Variants in PKD1 observed in about 807,000 individuals in gnomAD.
PKD1 encodes polycystin 1, transient receptor potential channel interacting.
In PKD1, 81 loss-of-function variants were observed where a neutral mutation model predicts 361.7. That is an observed-to-expected ratio of 0.22 (90% CI 0.19 to 0.27). PKD1 has a LOEUF of 0.27. Ranked by LOEUF, PKD1 falls within the 10% of genes least tolerant of loss-of-function variation. The pLI is 1.00. For synonymous variants in PKD1, 3,615 were observed against 2,818.3 expected, an observed-to-expected ratio of 1.28 and a Z score of -8.95; for missense variants, 6,399 against 6,118.3, an observed-to-expected ratio of 1.05 and a Z score of -1.53.
rs1488724154 is a variant in PKD1, at chr16:2,089,920, T to C, written c.12719A>G (p.Glu4240Gly). 6.2e-7 allele frequency: 1 copy of C among 1,612,066 alleles called. No homozygotes were observed. The highest frequency in any genetic ancestry group is 1.7e-5 in the Admixed American group (1 of 59,946). Residue 4240 changes from glutamate (E) to glycine (G), a missense_variant, in exon 46 of 46, where the codon GAG (glutamate) becomes GGG (glycine). Physicochemically the swap from Glu to Gly is moderately conservative, Grantham distance 98. Transcript: ENST00000262304. ...GCCTTGCAGGCTGTGCAGCTGCTGCTCCAGCTGGTAGACGTCCTCTGTGGC... is the reference window on the plus strand; with the variant it reads ...GCCTTGCAGGCTGTGCAGCTGCTGCCCCAGCTGGTAGACGTCCTCTGTGGC... ...NQATEDVYQL[E>G]QQLHSLQGRR...
chr16:2,091,005 C>T lies in PKD1; in HGVS notation c.11882G>A (p.Arg3961His), dbSNP rs978667086. Residue 3961 changes from arginine (R) to histidine (H), a missense_variant, in exon 43 of 46, where the codon CGC becomes CAC. Arg to His is a conservative substitution (Grantham distance 29). Coordinates refer to ENST00000262304, the MANE Select transcript of PKD1 (RefSeq NM_001009944.3). ...GCCGCGCACGAAACGGGTCCACTGGCGGTCAGCGGCACCCAGCTGGGCGAG... is the reference window on the plus strand; with the variant it reads ...GCCGCGCACGAAACGGGTCCACTGGTGGTCAGCGGCACCCAGCTGGGCGAG... The part of the protein sequence containing the change: ...VRLAQLGAAD[R>H]QWTRFVRGRP... The T allele has an allele frequency of 1.3e-6, 2 of 1,534,194 alleles. No homozygotes were observed. Among genetic ancestry groups the T allele is most frequent in the Admixed American group, 2.0e-5 (1 of 50,966 alleles).
chr16:2,123,775 C>A (rs915395555), intron 1 of PKD1, among the ~76,000 whole-genome samples: 1 of 152,172 alleles, frequency 6.6e-6, no homozygotes, highest in East Asian at 1.9e-4. Flanking sequence ...TGCTGCCCCA[C>A]GCACTCCTCA....
chr16:2,126,359 C>A (rs965104271), intron 1 of PKD1, among the ~76,000 whole-genome samples: 3 of 152,280 alleles, frequency 2.0e-5, no homozygotes, highest in East Asian at 1.9e-4. Flanking sequence ...GTCTTCAGAT[C>A]ATGGCGCTGC....
At chr16:2,092,235 C>T in intron 39 of PKD1, 47 bp from the exon 40 acceptor site, 1 of 1,541,282 alleles carries the variant, frequency 6.5e-7, no homozygotes, top group Non-Finnish European at 8.8e-7. Flanking sequence ...TCATCAAAAC[C>T]CAACAGGAGT....
rs1412564175 is a variant in PKD1, at chr16:2,091,084, C to G, written c.11803G>C (p.Ala3935Pro). Reference sequence around the variant, plus strand: ...GCCACCAGCAGCCACCGCGCCCAGGCTCCGAGCCGCAGCACGCGCCAGCGC... The same window carrying G: ...GCCACCAGCAGCCACCGCGCCCAGGGTCCGAGCCGCAGCACGCGCCAGCGC... ...EGRWRVLRLG[A>P]WARWLLVALT... Residue 3935 changes from alanine to proline, a missense_variant, in exon 43 of 46, where the codon GCC becomes CCC. Physicochemically the swap from Ala to Pro is conservative, Grantham distance 27. Coordinates refer to ENST00000262304, the MANE Select transcript of PKD1 (RefSeq NM_001009944.3). 6.6e-7 allele frequency: 1 copy of G among 1,508,118 alleles called. No homozygotes were observed. Among genetic ancestry groups the G allele is most frequent in the Admixed American group, 2.1e-5 (1 of 48,608 alleles). The allele number at this position is 1,508,118 out of a possible 1,614,324, so 93.4% of individuals were successfully genotyped here.
chr16:2,102,297 A>T (rs559995712), intron 25 of PKD1, 41 bp from the exon 26 acceptor site: 2 of 1,474,696 alleles, frequency 1.4e-6, no homozygotes, highest in Admixed American at 3.9e-5. Context: ...GTCACGTGCA[A>T]GCTGTGCCTT....
Position 2,089,574 on chromosome 16 carries a change from G to A in PKD1, c.*153C>T. ...GTTGGCCACACAGCCTCTTTAAAGT[G>A]CTGAAGCCCACAGACAGACAGATGC... On this transcript the variant is annotated 3_prime_UTR_variant, in exon 46 of 46. Transcript: ENST00000262304. 1 of 966,830 alleles carries A rather than the reference G, an allele frequency of 1.0e-6. No individual in the cohort carries two copies. The highest frequency in any genetic ancestry group is 1.6e-5 in the African/African-American group (1 of 62,022). The allele number at this position is 966,830 out of a possible 1,614,324, so 59.9% of individuals were successfully genotyped here.
Position 2,116,571 on chromosome 16 carries a change from C to G in PKD1, c.1680G>C (p.Leu560=). The stretch of plus-strand genomic sequence containing the variant: ...GGGCTGAGAGGCCGTCCTGCTGTGC[C>G]AGAGGCGTCAGGGGTCCCTGCAGGT... The part of the protein sequence containing the change: ...SGDLQGPLTP[L]AQQDGLSAPH... The change falls in exon 8 of 46, where the codon CTG becomes CTC. Residue 560 remains leucine (L), a synonymous_variant. Transcript: ENST00000262304. The G allele has an allele frequency of 2.5e-6, 4 of 1,570,538 alleles. No individual in the cohort carries two copies. The highest frequency in any genetic ancestry group is 3.4e-6 in the Non-Finnish European group (4 of 1,162,342).
chr16:2,125,600 C>T (rs1033286601), intron 1 of PKD1, among the ~76,000 whole-genome samples: 4 of 152,124 alleles, frequency 2.6e-5, no homozygotes, highest in Non-Finnish European at 5.9e-5. Context: ...GGGGAGTCTG[C>T]GATGTCCTTG....
intron 38 of PKD1, 28 bp downstream of exon 38, chr16:2,092,926 G>A (rs192618263): frequency 1.3e-5 from 21 of 1,612,684 alleles, no homozygotes; most frequent in African/African-American, 5.3e-5. Context: ...AAGCCCAGAA[G>A]ACAGACCAGT....
chr16:2,110,385 A>T lies in PKD1; in HGVS notation c.4782T>A (p.Gly1594=), dbSNP rs1179231141. The T allele has an allele frequency of 6.2e-7, 1 of 1,612,464 alleles. No individual in the cohort carries two copies. Among genetic ancestry groups the T allele is most frequent in the South Asian group, 1.1e-5 (1 of 91,072 alleles). Residue 1594 remains glycine, a synonymous_variant, in exon 15 of 46, where the codon GGT becomes GGA. Coordinates refer to ENST00000262304, the MANE Select transcript of PKD1 (RefSeq NM_001009944.3). The part of the protein sequence containing the change: ...LCDRCTPIPG[G]PTISYTFRSV... ...AGCGGAAGGTGTAAGAGATGGTAGG[A>T]CCCCCAGGGATGGGCGTGCAGCGGT... is the stretch of plus-strand genomic sequence containing the variant.
chr16:2,105,333 C>T lies in PKD1; in HGVS notation c.8005G>A (p.Ala2669Thr), dbSNP rs774322731. Residue 2669 changes from alanine (A) to threonine (T), a missense_variant, in exon 21 of 46, where the codon GCC becomes ACC. By Grantham distance (58) the Ala-to-Thr change is moderately conservative. Transcript: ENST00000262304. ...TGGGGCCATCCTACCATGCACTGGGCCAGCGCAGCAGCGATCTGCTGGATG... is the reference window on the plus strand; with the variant it reads ...TGGGGCCATCCTACCATGCACTGGGTCAGCGCAGCAGCGATCTGCTGGATG... Reference protein sequence around the residue: ...DDIQQIAAALAQCMGPSRELV... With the variant: ...DDIQQIAAALTQCMGPSRELV... The T allele has an allele frequency of 2.5e-6, 4 of 1,594,076 alleles. No homozygotes were observed. In the South Asian group the frequency reaches 4.4e-5, roughly 18 times the overall value.
chr16:2,115,440 G>A lies in PKD1; in HGVS notation c.2035C>T (p.Pro679Ser). ...CTSGPGLPGA[P>S]YALWREFLFS... ...AGGAACTCTCTCCATAGCGCATAGG[G>A]GGCCCCGGGTAGCCCTGGCCCTGAC... The change falls in exon 10 of 46, where the codon CCC (proline) becomes TCC (serine). Residue 679 changes from proline to serine, a missense_variant. Physicochemically the swap from Pro to Ser is moderately conservative, Grantham distance 74 (BLOSUM62 -1). Transcript: ENST00000262304. 6 of 1,595,862 alleles carry A rather than the reference G, an allele frequency of 3.8e-6. No homozygotes were observed. Among genetic ancestry groups the A allele is most frequent in the South Asian group, 1.1e-5 (1 of 88,716 alleles).
At chr16:2,092,858 AG>A in intron 38 of PKD1, 95 bp downstream of exon 38, 1 of 1,437,044 alleles carries the variant, frequency 7.0e-7, no homozygotes, top group Admixed American at 1.7e-5. Context: ...GCAGCCACAA[AG>A]GTATCTACAC....
Position 2,088,768 on chromosome 16 carries a change from C to T in PKD1, c.*959G>A, listed in dbSNP as rs1003558653. The stretch of plus-strand genomic sequence containing the variant: ...CTTGGTGCGGGGGTTGGGGGGGTGT[C>T]GAGGCTCTAGAAGCGGCCATGCCCA... On this transcript the variant is annotated 3_prime_UTR_variant, in exon 46 of 46. Coordinates refer to ENST00000262304, the MANE Select transcript of PKD1 (RefSeq NM_001009944.3). 199 of 1,069,298 alleles carry T rather than the reference C, an allele frequency of 1.9e-4. No individual in the cohort carries two copies. Among genetic ancestry groups the T allele is most frequent in the South Asian group, 2.7e-4 (17 of 62,548 alleles). 66.2% of individuals were successfully genotyped at this position (1,069,298 alleles called of 1,614,324 possible). A position where few individuals can be genotyped will look rare whatever the true frequency, so the allele number is the denominator to read the frequency against.
At chr16:2,093,421 G>T in intron 37 of PKD1, 123 bp downstream of exon 37, 1 of 933,730 alleles carries the variant, frequency 1.1e-6, no homozygotes, top group Non-Finnish European at 1.6e-6. Context: ...AGGCTGCAGA[G>T]CATTGAACCC....
chr16:2,094,545 A>G (rs2091762603), intron 34 of PKD1, among the ~76,000 whole-genome samples: 1 of 152,298 alleles, frequency 6.6e-6, no homozygotes, highest in South Asian at 2.1e-4. Context: ...CCTGCAAACT[A>G]TGATTGGGTC....
chr16:2,113,418 G>C (rs1567208406), intron 11 of PKD1, 126 bp from the exon 12 acceptor site: 1 of 1,079,892 alleles, frequency 9.3e-7, no homozygotes, highest in East Asian at 2.4e-5. Context: ...GAGGTGCCCG[G>C]GGCTCTGCAT....
At chr16:2,104,344 GGGAATTGGGGGAGGGGGATGAGGAT>G (rs2092246143) in intron 22 of PKD1, among the ~76,000 whole-genome samples, 129 bp downstream of exon 22, 1 of 86,192 alleles carries the variant, frequency 1.2e-5, no homozygotes, top group African/African-American at 4.8e-5. Context: ...GGAGGAGAAT[GGGAATTGGGGGAGGGGGATGAGGAT>G]GGGAATTGGG....
Sources: gnomAD v4.1 joint callset for allele counts (sites outside exome capture counted in the v4.1 genomes callset) on GRCh38, gnomAD v4.1.1 for gene constraint, MANE v1.5 for transcripts, NCBI Gene and HGNC (gene_info 2026-07-23, HGNC 2026-07-21) for gene names.